The following CHSY3 variants were observed in gnomAD, a reference collection of about 807,000 sequenced individuals.
CHSY3 encodes the protein N-acetylgalactosaminyl-proteoglycan 3-beta-glucuronosyltransferase 3.
Under a neutral mutation model 67.2 loss-of-function variants are expected in CHSY3, and 35 were observed. The observed-to-expected ratio is 0.52, with a 90% CI of 0.40 to 0.69. CHSY3 has a LOEUF of 0.69. Ranked by LOEUF, CHSY3 falls within the 30% of genes least tolerant of loss-of-function variation. The pLI, the probability that CHSY3 is intolerant of heterozygous loss-of-function variation, is 0.00. For synonymous variants in CHSY3, 474 were observed against 434.7 expected (o/e 1.09, Z -1.12); for missense variants, 1,069 against 1,138.5 (o/e 0.94, Z 0.88).
At chr5:130,104,227 C>A (rs1486745451) in intron 2 of CHSY3, among the ~76,000 whole-genome samples, 1 of 151,738 alleles carries the variant, frequency 6.6e-6, no homozygotes, top group Non-Finnish European at 1.5e-5. Flanking sequence ...AAAAAGAATG[C>A]ATCTATGAAA....
At chr5:129,998,638 A>T (rs1455182321) in intron 2 of CHSY3, among the ~76,000 whole-genome samples, 1 of 152,020 alleles carries the variant, frequency 6.6e-6, no homozygotes, top group African/African-American at 2.4e-5. Flanking sequence ...AATCTTTTTG[A>T]TTTTGTCAAT....
intron 2 of CHSY3, among the ~76,000 whole-genome samples, chr5:129,984,794 T>A (rs1449555873): frequency 1.3e-5 from 2 of 152,178 alleles, no homozygotes; most frequent in African/African-American, 2.4e-5. Flanking sequence ...CATTTTTTCA[T>A]ATGCTTGACT....
At chr5:130,121,753 G>T (rs1408600135) in intron 2 of CHSY3, among the ~76,000 whole-genome samples, 1 of 152,148 alleles carries the variant, frequency 6.6e-6, no homozygotes, top group African/African-American at 2.4e-5. Context: ...GAAAAACAAT[G>T]AGGGCAAGCA....
intron 2 of CHSY3, among the ~76,000 whole-genome samples, chr5:129,962,616 A>T (rs995374337): frequency 6.6e-6 from 1 of 152,018 alleles, no homozygotes; most frequent in Non-Finnish European, 1.5e-5. Flanking sequence ...GCATGGTCTG[A>T]CACCTGTGTG....
chr5:129,936,235 G>C (rs1761483638), intron 2 of CHSY3, among the ~76,000 whole-genome samples: 1 of 152,110 alleles, frequency 6.6e-6, no homozygotes, highest in South Asian at 2.1e-4. Flanking sequence ...TAAAATAAAG[G>C]CCAAGCAATT....
chr5:129,908,464 C>T (rs1327095580), intron 2 of CHSY3, 104 bp downstream of exon 2: 31 of 1,468,024 alleles, frequency 2.1e-5, no homozygotes, highest in East Asian at 7.2e-5. Flanking sequence ...TTTGTATTTA[C>T]TTGAAAGTGA....
At chr5:130,075,331 C>T (rs1402595357) in intron 2 of CHSY3, among the ~76,000 whole-genome samples, 1 of 152,030 alleles carries the variant, frequency 6.6e-6, no homozygotes, top group Non-Finnish European at 1.5e-5. Flanking sequence ...AGTGATAATA[C>T]AATAAAGCAA....
chr5:130,036,543 G>T (rs570332162), intron 2 of CHSY3, among the ~76,000 whole-genome samples: 2 of 152,188 alleles, frequency 1.3e-5, no homozygotes, highest in East Asian at 1.9e-4. Flanking sequence ...AAACTGCAAA[G>T]GTTGCTGGAA....
At chr5:130,127,575 AC>A (rs1768335309) in intron 2 of CHSY3, among the ~76,000 whole-genome samples, 1 of 152,236 alleles carries the variant, frequency 6.6e-6, no homozygotes. Flanking sequence ...TGCTGTAAAT[AC>A]ATGGATAAAG....
chr5:130,174,284 G>A (rs1454545794), intron 2 of CHSY3, among the ~76,000 whole-genome samples: 3 of 150,872 alleles, frequency 2.0e-5, no homozygotes, highest in Middle Eastern at 3.2e-3. Flanking sequence ...CCAAGTTAGA[G>A]GATCCTTTCT....
At chr5:130,011,192 T>A (rs1764048599) in intron 2 of CHSY3, among the ~76,000 whole-genome samples, 1 of 152,146 alleles carries the variant, frequency 6.6e-6, no homozygotes, top group Admixed American at 6.5e-5. Context: ...TTCAGGCCAG[T>A]ATCTCTGATG....
Position 130,184,814 on chromosome 5 carries a change from A to G in CHSY3, c.1672A>G (p.Arg558Gly), listed in dbSNP as rs1266826747. ...GGGAAGGAAACTGACTGTGCCAGTGAGACGTCATGCCTATCTTCAGCAGTT... is the reference window on the plus strand; with the variant it reads ...GGGAAGGAAACTGACTGTGCCAGTGGGACGTCATGCCTATCTTCAGCAGTT... ...HKGRKLTVPVRRHAYLQQLFS... is the reference protein window; with the variant it reads ...HKGRKLTVPVGRHAYLQQLFS... Residue 558 changes from arginine (R) to glycine (G), a missense_variant, in exon 3 of 3, where the codon AGA becomes GGA. By Grantham distance (125) the Arg-to-Gly change is moderately radical. Around this residue, in one of 5 missense-constraint regions of CHSY3, gnomAD observed 401 missense variants for 395.2 expected, o/e 1.01. Coordinates refer to ENST00000305031, the MANE Select transcript of CHSY3 (RefSeq NM_175856.5). The G allele has an allele frequency of 1.2e-6, 2 of 1,610,968 alleles. No individual in the cohort carries two copies. The highest frequency in any genetic ancestry group is 1.1e-5 in the South Asian group (1 of 91,024).
intron 2 of CHSY3, among the ~76,000 whole-genome samples, chr5:129,982,380 G>A (rs950881511): frequency 6.6e-6 from 1 of 151,758 alleles, no homozygotes; most frequent in Non-Finnish European, 1.5e-5. Flanking sequence ...TTTAACATAG[G>A]AGAAACAAAA....
intron 2 of CHSY3, among the ~76,000 whole-genome samples, chr5:130,131,665 T>C (rs1768486767): frequency 6.6e-6 from 1 of 152,136 alleles, no homozygotes; most frequent in Non-Finnish European, 1.5e-5. Context: ...AGGTAGTTGC[T>C]CTCAGAGCCT....
chr5:129,946,911 T>C (rs190027681), intron 2 of CHSY3, among the ~76,000 whole-genome samples: 1 of 152,344 alleles, frequency 6.6e-6, no homozygotes, highest in East Asian at 1.9e-4. Flanking sequence ...CTAGACATAG[T>C]GATTTAATTT....
chr5:130,033,605 T>C (rs760509057), intron 2 of CHSY3, among the ~76,000 whole-genome samples: 2 of 152,198 alleles, frequency 1.3e-5, no homozygotes, highest in African/African-American at 2.4e-5. Flanking sequence ...ACAAACTCTA[T>C]GTATTTTTAA....
intron 2 of CHSY3, among the ~76,000 whole-genome samples, chr5:130,027,821 A>G (rs562057856): frequency 0.014 from 2,157 of 152,276 alleles, 20 homozygotes; most frequent in Middle Eastern, 0.02. Flanking sequence ...TTATGGCTGC[A>G]TAGTATTCCA....
intron 2 of CHSY3, among the ~76,000 whole-genome samples, chr5:129,969,704 G>A (rs182175556): frequency 2.6e-3 from 401 of 151,842 alleles, no homozygotes; most frequent in Non-Finnish European, 3.2e-3. Flanking sequence ...TTTTCTCCCC[G>A]ATCTTAAATA....
chr5:130,095,721 G>C (rs1267867036), intron 2 of CHSY3, among the ~76,000 whole-genome samples: 1 of 152,182 alleles, frequency 6.6e-6, no homozygotes, highest in East Asian at 1.9e-4. Context: ...ATGGGCAAAA[G>C]TATAAGCAAA....
Sources: gnomAD v4.1 joint callset for allele counts (sites outside exome capture counted in the v4.1 genomes callset) on GRCh38, gnomAD v4.1.1 for gene constraint, gnomAD v4.1.1 regional missense constraint, MANE v1.5 for transcripts, NCBI Gene and HGNC (gene_info 2026-07-23, HGNC 2026-07-21) for gene names.